The following CCDC88A variants were observed in gnomAD, a reference collection of about 807,000 sequenced individuals.
CCDC88A encodes girdin.
Under a neutral mutation model 234.3 loss-of-function variants are expected in CCDC88A, and 54 were observed. The observed-to-expected ratio is 0.23, with a 90% CI of 0.19 to 0.29. The LOEUF (loss-of-function observed/expected upper bound fraction) is 0.29, where lower values mean the gene tolerates loss of function less well. Ranked by LOEUF, CCDC88A falls within the 10% of genes least tolerant of loss-of-function variation. The pLI, the probability that CCDC88A is intolerant of heterozygous loss-of-function variation, is 1.00. For synonymous variants in CCDC88A, 753 were observed against 737.8 expected (o/e 1.02, Z -0.33); for missense variants, 1,832 against 2,123.4 (o/e 0.86, Z 2.70).
chr2:55,330,416 T>C (rs1419190717), intron 16 of CCDC88A, among the ~76,000 whole-genome samples: 2 of 151,958 alleles, frequency 1.3e-5, no homozygotes, highest in African/African-American at 4.8e-5. Context: ...GAGGTTGCAG[T>C]GAGCCGAGAT....
chr2:55,336,506 T>C (rs1441417970), intron 14 of CCDC88A, among the ~76,000 whole-genome samples, 175 bp downstream of exon 14: 2 of 152,148 alleles, frequency 1.3e-5, no homozygotes, highest in African/African-American at 4.8e-5. Flanking sequence ...TCTCTTCAAC[T>C]TTCCTAAGAC....
intron 18 of CCDC88A, among the ~76,000 whole-genome samples, chr2:55,321,665 A>C (rs1683652902): frequency 6.6e-6 from 1 of 152,198 alleles, no homozygotes; most frequent in African/African-American, 2.4e-5. Context: ...ATACATATAC[A>C]TCTGCTAAAA....
intron 3 of CCDC88A, 74 bp from the exon 4 acceptor site, chr2:55,374,957 G>C (rs1673399393): frequency 1.1e-6 from 1 of 892,214 alleles, no homozygotes; most frequent in African/African-American, 1.6e-5. Context: ...TATAACTTAT[G>C]ATTTGTACAT....
intron 3 of CCDC88A, among the ~76,000 whole-genome samples, chr2:55,387,265 A>C (rs538851803): frequency 3.3e-5 from 5 of 151,964 alleles, no homozygotes; most frequent in Admixed American, 6.6e-5. Context: ...AAAGAAAAAA[A>C]CCCGAAAATA....
At position 55,334,602 on chromosome 2, in the gene CCDC88A, C is replaced by T. The variant is rs1291031023; in HGVS notation, c.2219G>A (p.Gly740Asp). ...LESEKEQLKKGLELLKASFKK... is the reference protein window; with the variant it reads ...LESEKEQLKKDLELLKASFKK... The stretch of plus-strand genomic sequence containing the variant: ...GAAAGATGCTTTCAGGAGCTCCAAA[C>T]CCTTCTTAAGTTGCTCTTTTTCACT... The change falls in exon 15 of 33, where the codon GGT becomes GAT. Residue 740 changes from glycine to aspartate, a missense_variant. Around this residue, in one of 6 missense-constraint regions of CCDC88A, gnomAD observed 1,282 missense variants for 1,543.6 expected, o/e 0.83. Transcript: ENST00000436346. This position sits in a 1 kb window ranked among gnomAD's most constrained non-coding sequence, Gnocchi z 6.1. The T allele has an allele frequency of 6.2e-7, 1 of 1,613,548 alleles. No individual in the cohort carries two copies. Among genetic ancestry groups the T allele is most frequent in the Non-Finnish European group, 8.5e-7 (1 of 1,179,820 alleles).
In CCDC88A at chr2:55,332,119, T is replaced by C. The variant is rs1684982417; in HGVS notation, c.2855+447A>G. 6.5e-6 allele frequency: 1 copy of C among 153,530 alleles called. No homozygotes were observed. Among genetic ancestry groups the C allele is most frequent in the Admixed American group, 6.5e-5 (1 of 15,314 alleles). The allele number at this position is 153,530 out of a possible 1,614,324, so 9.5% of individuals were successfully genotyped here. A position where few individuals can be genotyped will look rare whatever the true frequency, so the allele number is the denominator to read the frequency against. ...TTCCTCTTTTCTCCTTACAGAACTT[T>C]CTTTTTTTTTCTTTTTGAGATGGAG... On this transcript the variant is annotated intron_variant, in intron 16 of 32. Coordinates refer to ENST00000436346, the MANE Select transcript of CCDC88A (RefSeq NM_001365480.1). The surrounding 1 kb of genome is among the most constrained non-coding windows in gnomAD (Gnocchi z 4.5).
chr2:55,296,623 G>C (rs1680059609), intron 29 of CCDC88A, 100 bp from the exon 30 acceptor site: 5 of 1,131,784 alleles, frequency 4.4e-6, no homozygotes, highest in Non-Finnish European at 6.4e-6. Context: ...TATATGAACA[G>C]CCAAATTTAC....
rs1453248090 is a variant in CCDC88A at position 55,332,683 on chromosome 2, C to T, written c.2738G>A (p.Ser913Asn). The T allele has an allele frequency of 1.2e-6, 2 of 1,611,920 alleles. No individual in the cohort carries two copies. Among genetic ancestry groups the T allele is most frequent in the Admixed American group, 1.7e-5 (1 of 59,968 alleles). The change falls in exon 16 of 33, where the codon AGT becomes AAT. Residue 913 changes from serine to asparagine, a missense_variant. Around this residue, in one of 6 missense-constraint regions of CCDC88A, gnomAD observed 1,282 missense variants for 1,543.6 expected, o/e 0.83. Coordinates refer to ENST00000436346, the MANE Select transcript of CCDC88A (RefSeq NM_001365480.1). This position sits in a 1 kb window ranked among gnomAD's most constrained non-coding sequence, Gnocchi z 4.5. ...TLVTLREDLV[S>N]EKLKTQQMNN... ...CATCTGTTGGGTCTTCAACTTTTCA[C>T]TCACCAAATCCTTATTTTAAAAGAA...
intron 13 of CCDC88A, among the ~76,000 whole-genome samples, chr2:55,338,251 C>T (rs12614357): frequency 0.31 from 46,764 of 151,958 alleles, 7,602 homozygotes; most frequent in East Asian, 0.54. Context: ...TATTGTCAAA[C>T]GCTTATTAAG....
intron 13 of CCDC88A, 93 bp downstream of exon 13, chr2:55,339,371 G>A (rs932263214): frequency 9.0e-7 from 1 of 1,108,632 alleles, no homozygotes; most frequent in Non-Finnish European, 1.3e-6. Flanking sequence ...ATAACATTGA[G>A]CGTGCATTTA....
At chr2:55,409,089 ATG>A (rs1406084844) in intron 2 of CCDC88A, among the ~76,000 whole-genome samples, 1 of 152,214 alleles carries the variant, frequency 6.6e-6, no homozygotes, top group Non-Finnish European at 1.5e-5. Flanking sequence ...TCAACTACAA[ATG>A]TGTGGTTTCC....
intron 17 of CCDC88A, among the ~76,000 whole-genome samples, chr2:55,324,534 T>C (rs1684025954): frequency 1.3e-5 from 2 of 152,226 alleles, no homozygotes; most frequent in South Asian, 4.1e-4. Context: ...TCAGTAATTT[T>C]TTTCTTTTGG....
chr2:55,395,244 C>T (rs914081251), intron 2 of CCDC88A, among the ~76,000 whole-genome samples: 3 of 152,180 alleles, frequency 2.0e-5, no homozygotes, highest in African/African-American at 7.2e-5. Context: ...TTCTAGCTAG[C>T]AAGGATTTCA....
chr2:55,317,611 C>T lies in CCDC88A; in HGVS notation c.3555G>A (p.Lys1185=), dbSNP rs143689764. 2 of 1,602,416 alleles carry T rather than the reference C, an allele frequency of 1.2e-6. No homozygotes were observed. Among genetic ancestry groups the T allele is most frequent in the Admixed American group, 1.7e-5 (1 of 59,798 alleles). Reference sequence around the variant, plus strand: ...CCACCTCAAGATTTTTGTGGGCAGACTTCAGAGTTCCATGTTTAGAGATAA... The same window carrying T: ...CCACCTCAAGATTTTTGTGGGCAGATTTCAGAGTTCCATGTTTAGAGATAA... ...ESLISKHGTL[K]SAHKNLEVEH... is the part of the protein sequence containing the mutation. The change falls in exon 20 of 33, where the codon AAG becomes AAA. Residue 1185 remains lysine (K), a synonymous_variant. Coordinates refer to ENST00000436346, the MANE Select transcript of CCDC88A (RefSeq NM_001365480.1). This position sits in a 1 kb window ranked among gnomAD's most constrained non-coding sequence, Gnocchi z 4.2.
intron 7 of CCDC88A, among the ~76,000 whole-genome samples, chr2:55,359,177 T>A (rs1670970012): frequency 6.6e-6 from 1 of 152,148 alleles, no homozygotes; most frequent in Non-Finnish European, 1.5e-5. Flanking sequence ...TCTCAATCTC[T>A]AATTTTATCT....
At chr2:55,374,761 T>C (rs911649369) in intron 4 of CCDC88A, 53 bp downstream of exon 4, 3 of 1,070,484 alleles carry the variant, frequency 2.8e-6, no homozygotes, top group African/African-American at 3.1e-5. Flanking sequence ...ATAAACATCA[T>C]AGTATTACAC....
At chr2:55,342,586 C>T (rs1668645492) in intron 12 of CCDC88A, among the ~76,000 whole-genome samples, 1 of 152,052 alleles carries the variant, frequency 6.6e-6, no homozygotes, top group African/African-American at 2.4e-5. Flanking sequence ...ACTCAATTCA[C>T]AAGGAATATA....
chr2:55,313,447 T>G (rs927661102), intron 22 of CCDC88A: 1 of 152,240 alleles, frequency 6.6e-6, no homozygotes, highest in African/African-American at 2.4e-5. Context: ...GGTAATTTAG[T>G]CAATAGTTGG....
At chr2:55,383,483 T>C (rs1030315340) in intron 3 of CCDC88A, among the ~76,000 whole-genome samples, 6 of 150,938 alleles carry the variant, frequency 4.0e-5, no homozygotes, top group African/African-American at 1.5e-4. Flanking sequence ...ATTAGCCAGG[T>C]GTGGTGGCAG....
Sources: gnomAD v4.1 joint callset for allele counts (sites outside exome capture counted in the v4.1 genomes callset) on GRCh38, gnomAD v4.1.1 for gene constraint, gnomAD v4.1.1 regional missense constraint, Gnocchi (gnomAD v3.1) non-coding constraint, MANE v1.5 for transcripts, NCBI Gene and HGNC (gene_info 2026-07-23, HGNC 2026-07-21) for gene names.